The following PIK3C2G variants were observed in gnomAD, a reference collection of about 807,000 sequenced individuals.
The protein encoded by PIK3C2G is phosphatidylinositol-4-phosphate 3-kinase catalytic subunit type 2 gamma.
In PIK3C2G, 168 loss-of-function variants were observed where a neutral mutation model predicts 181.1. The observed-to-expected ratio is 0.93, with a 90% confidence interval of 0.82 to 1.05. The LOEUF is 1.05. Ranked by LOEUF, PIK3C2G falls within the 50% of genes least tolerant of loss-of-function variation. PIK3C2G has a pLI of 0.00. For missense variants in PIK3C2G, 1,869 were observed against 1,732.8 expected (o/e 1.08, Z -1.40); for synonymous variants, 573 against 592.2 (o/e 0.97, Z 0.47).
At chr12:18,289,541 T>C (rs1162935569) in intron 3 of PIK3C2G, among the ~76,000 whole-genome samples, 1 of 152,192 alleles carries the variant, frequency 6.6e-6, no homozygotes, top group East Asian at 1.9e-4. Flanking sequence ...GAGTGGCCCA[T>C]GTCCTTATTC....
intron 16 of PIK3C2G, among the ~76,000 whole-genome samples, chr12:18,410,275 T>C (rs1449972624): frequency 1.3e-5 from 2 of 151,902 alleles, no homozygotes; most frequent in Non-Finnish European, 2.9e-5. Flanking sequence ...CGAGGTGAGG[T>C]TGGCAGATCA....
chr12:18,431,077 GTCTC>G (rs1475156537), intron 18 of PIK3C2G, among the ~76,000 whole-genome samples: 3 of 151,990 alleles, frequency 2.0e-5, no homozygotes, highest in Admixed American at 6.6e-5. Flanking sequence ...AGTCACAGTT[GTCTC>G]TCTCACCCGC....
chr12:18,318,860 C>G (rs1228393913), intron 6 of PIK3C2G, among the ~76,000 whole-genome samples: 1 of 150,800 alleles, frequency 6.6e-6, no homozygotes, highest in Non-Finnish European at 1.5e-5. Flanking sequence ...TTTGGGAGGC[C>G]GAGGTGGGCA....
chr12:18,332,428 C>T (rs143865937), intron 8 of PIK3C2G, among the ~76,000 whole-genome samples: 69 of 152,240 alleles, frequency 4.5e-4, no homozygotes, highest in Non-Finnish European at 9.1e-4. Flanking sequence ...GTACTTGAGT[C>T]TCAGGACTAG....
intron 13 of PIK3C2G, among the ~76,000 whole-genome samples, chr12:18,372,028 A>G (rs1427515860): frequency 6.6e-6 from 1 of 152,200 alleles, no homozygotes; most frequent in African/African-American, 2.4e-5. Flanking sequence ...TTTATAAAGC[A>G]TATTTTTCCC....
chr12:18,278,001 A>G (rs1949054926), intron 1 of PIK3C2G, among the ~76,000 whole-genome samples: 1 of 152,122 alleles, frequency 6.6e-6, no homozygotes, highest in Admixed American at 6.6e-5. Context: ...CTTTCCAACC[A>G]ATAATAGAGA....
intron 18 of PIK3C2G, among the ~76,000 whole-genome samples, chr12:18,479,900 A>T (rs1215272929): frequency 6.6e-6 from 1 of 152,188 alleles, no homozygotes; most frequent in Non-Finnish European, 1.5e-5. Flanking sequence ...AAATTTCCTC[A>T]AAGTATTGTT....
intron 5 of PIK3C2G, among the ~76,000 whole-genome samples, chr12:18,301,824 A>G (rs553901423): frequency 1.3e-5 from 2 of 152,246 alleles, no homozygotes; most frequent in African/African-American, 4.8e-5. Context: ...CTATTAGTGT[A>G]ATAGTCACTT....
chr12:18,641,611 A>G (rs1949840916), intron 32 of PIK3C2G, among the ~76,000 whole-genome samples: 1 of 151,936 alleles, frequency 6.6e-6, no homozygotes, highest in South Asian at 2.1e-4. Context: ...CTGAAGTCAC[A>G]TGATCCATCC....
intron 5 of PIK3C2G, among the ~76,000 whole-genome samples, chr12:18,305,817 G>T (rs572533365): frequency 6.6e-6 from 1 of 151,780 alleles, no homozygotes; most frequent in Non-Finnish European, 1.5e-5. Flanking sequence ...TGATCTCCTG[G>T]TATAATTACT....
chr12:18,333,699 A>G (rs1938216455), intron 8 of PIK3C2G, among the ~76,000 whole-genome samples: 1 of 152,210 alleles, frequency 6.6e-6, no homozygotes, highest in South Asian at 2.1e-4. Flanking sequence ...TCATATTGGC[A>G]CTAACTACTG....
At chr12:18,374,391 CA>C (rs576737533) in intron 13 of PIK3C2G, among the ~76,000 whole-genome samples, 3 of 150,642 alleles carry the variant, frequency 2.0e-5, no homozygotes, top group African/African-American at 2.4e-5. Flanking sequence ...AAATCATAAC[CA>C]AAAAAAAACT....
At chr12:18,634,011 A>G (rs1949478524) in intron 31 of PIK3C2G, among the ~76,000 whole-genome samples, 1 of 152,158 alleles carries the variant, frequency 6.6e-6, no homozygotes, top group South Asian at 2.1e-4. Context: ...AGAAAGCGCC[A>G]TATATTGGAT....
chr12:18,672,512 T>G, the PIK3C2G span, among the ~76,000 whole-genome samples: 2 of 152,340 alleles, frequency 1.3e-5, no homozygotes, highest in East Asian at 3.9e-4. Context: ...AATAAATTTG[T>G]GTTGTTTAAT....
intron 25 of PIK3C2G, 117 bp from the exon 26 acceptor site, chr12:18,546,206 A>C (rs939775636): frequency 3.1e-6 from 2 of 641,638 alleles, no homozygotes; most frequent in Middle Eastern, 2.8e-4. Flanking sequence ...AAACTGAAAG[A>C]CATTGCCATG....
chr12:18,636,185 G>C (rs539290442), intron 31 of PIK3C2G, among the ~76,000 whole-genome samples: 1 of 152,274 alleles, frequency 6.6e-6, no homozygotes, highest in South Asian at 2.1e-4. Flanking sequence ...TGATTTGCTG[G>C]TCTTGTCAGC....
rs1055129774 is a variant in PIK3C2G, at chr12:18,262,857, C to A, written c.-79+1280C>A. On this transcript the variant is annotated intron_variant, in intron 1 of 32. Coordinates refer to ENST00000538779, the MANE Select transcript of PIK3C2G (RefSeq NM_001288772.2). ...GAAAACGTGATGAAGTAATCATTTC[C>A]AATCTAGAAAAGCATTGTATTGTAT... Among the ~76,000 whole-genome samples, 20 of 152,080 alleles carry A rather than the reference C, an allele frequency of 1.3e-4. 1 individual carries two copies. Among genetic ancestry groups the A allele is most frequent in the Non-Finnish European group, 7.4e-5 (5 of 68,016 alleles).
At chr12:18,567,107 A>C in intron 29 of PIK3C2G, 50 bp downstream of exon 29, 1 of 889,110 alleles carries the variant, frequency 1.1e-6, no homozygotes, top group South Asian at 1.5e-5. Context: ...CAACTATTTT[A>C]TATTTTATTC....
intron 25 of PIK3C2G, among the ~76,000 whole-genome samples, chr12:18,541,694 A>G (rs931962204): frequency 6.6e-6 from 1 of 151,924 alleles, no homozygotes; most frequent in African/African-American, 2.4e-5. Context: ...CATTACCTGT[A>G]TCTGTTCACT....
Sources: gnomAD v4.1 joint callset for allele counts (sites outside exome capture counted in the v4.1 genomes callset) on GRCh38, gnomAD v4.1.1 for gene constraint, MANE v1.5 for transcripts, NCBI Gene and HGNC (gene_info 2026-07-23, HGNC 2026-07-21) for gene names.